HDAC9: variants seen among roughly 807,000 people sequenced by gnomAD.
The protein encoded by HDAC9 is MEF-2 interacting transcription repressor (MITR) protein.
HDAC9 carries 41 observed loss-of-function variants against 139.4 expected under a neutral mutation model. That is an observed-to-expected ratio of 0.29 (90% CI 0.23 to 0.38). The LOEUF (loss-of-function observed/expected upper bound fraction) is 0.38. Among genes scored for constraint, HDAC9 ranks in the 10% least tolerant of loss-of-function variants. The pLI is 1.00. For missense variants in HDAC9, 1,147 were observed against 1,297.0 expected (o/e 0.88, Z 1.78); for synonymous variants, 517 against 476.2 (o/e 1.09, Z -1.12).
At chr7:18,989,506 T>C (rs1235786230) in intron 25 of HDAC9, among the ~76,000 whole-genome samples, 4 of 150,314 alleles carry the variant, frequency 2.7e-5, no homozygotes, top group African/African-American at 4.9e-5. Flanking sequence ...TCATTTCAAC[T>C]TTGGTGAATC....
chr7:18,298,279 TG>T (rs778374393), intron 1 of HDAC9, among the ~76,000 whole-genome samples: 233 of 151,316 alleles, frequency 1.5e-3, no homozygotes, highest in Non-Finnish European at 2.6e-3. Context: ...TACATTTTTA[TG>T]TTTTTTTTTT....
At chr7:18,218,848 T>G (rs763946057) in intron 2 of HDAC9, among the ~76,000 whole-genome samples, 1 of 152,230 alleles carries the variant, frequency 6.6e-6, no homozygotes, top group Non-Finnish European at 1.5e-5. Flanking sequence ...ATTTGACTAT[T>G]ATAAATTATA....
intron 2 of HDAC9, among the ~76,000 whole-genome samples, chr7:18,212,449 T>C (rs1049495274): frequency 3.3e-5 from 5 of 152,152 alleles, no homozygotes; most frequent in Non-Finnish European, 7.3e-5. Context: ...AGCCAGAAAA[T>C]ACGGGTGTGA....
At chr7:18,494,312 T>C (rs1000417433), upstream of HDAC9, among the ~76,000 whole-genome samples, 3 of 152,056 alleles carry the variant, frequency 2.0e-5, no homozygotes, top group Non-Finnish European at 4.4e-5. Context: ...GCTTATTTCT[T>C]CCCTTTCATC....
intron 21 of HDAC9, among the ~76,000 whole-genome samples, chr7:18,867,590 A>C (rs1798590431): frequency 1.3e-5 from 2 of 152,144 alleles, no homozygotes; most frequent in South Asian, 4.1e-4. Flanking sequence ...TCATTTTCTG[A>C]TTCTTTGAGG....
intron 1 of HDAC9, among the ~76,000 whole-genome samples, chr7:18,149,675 C>T (rs1786618790): frequency 6.6e-6 from 1 of 152,020 alleles, no homozygotes; most frequent in Admixed American, 6.5e-5. Flanking sequence ...CTCAGCCTCC[C>T]AAGTAGCTGG....
At chr7:18,206,829 G>A (rs34428487) in intron 2 of HDAC9, among the ~76,000 whole-genome samples, 1 of 152,078 alleles carries the variant, frequency 6.6e-6, no homozygotes, top group African/African-American at 2.4e-5. Context: ...TTTAAGTGTA[G>A]GAAGAGGAGT....
At position 18,171,760 on chromosome 7, in the gene HDAC9, G is replaced by GAA. The variant is rs1562704551; in HGVS notation, c.25+9411_25+9412insAA. ...TGATGGATTATGTTTATTGATTTCC[G>GAA]TATGTTGAACCAGCCTTGCATCCCA... On this transcript the variant is annotated intron_variant, in intron 2 of 12. Transcript: ENST00000417496. 9.7e-4 allele frequency among the ~76,000 whole-genome samples: 147 copies of GAA among 152,206 alleles called. 1 individual carries two copies. In the East Asian group the frequency reaches 0.025, roughly 26 times the overall value.
chr7:18,937,690 T>G (rs1256392609), intron 23 of HDAC9, among the ~76,000 whole-genome samples: 1 of 152,156 alleles, frequency 6.6e-6, no homozygotes, highest in Non-Finnish European at 1.5e-5. Context: ...AATATTAATA[T>G]TTGCATTATA....
At chr7:18,312,681 T>TA (rs1799395031) in intron 1 of HDAC9, among the ~76,000 whole-genome samples, 1 of 152,164 alleles carries the variant, frequency 6.6e-6, no homozygotes, top group Admixed American at 6.6e-5. Flanking sequence ...CAGGGACTGA[T>TA]AAAGATCAAA....
intron 1 of HDAC9, among the ~76,000 whole-genome samples, chr7:18,394,818 C>T (rs537729930): frequency 1.6e-4 from 24 of 152,126 alleles, no homozygotes; most frequent in Middle Eastern, 6.8e-3. Context: ...TATGGAGGAG[C>T]GTGTCATTTC....
chr7:18,367,083 GC>G (rs780974606), intron 1 of HDAC9, among the ~76,000 whole-genome samples: 1 of 151,814 alleles, frequency 6.6e-6, no homozygotes, highest in Non-Finnish European at 1.5e-5. Flanking sequence ...TCAAAATAAT[GC>G]TTTTGTTTCT....
chr7:18,546,958 G>C (rs1424316967), intron 2 of HDAC9, among the ~76,000 whole-genome samples: 2 of 152,196 alleles, frequency 1.3e-5, no homozygotes, highest in African/African-American at 4.8e-5. Context: ...ATTTTTGCTA[G>C]AGCAGCTAAA....
chr7:18,458,843 C>A, intron 1 of HDAC9: 1 of 1,534,034 alleles, frequency 6.5e-7, no homozygotes. Flanking sequence ...TCCCCACAGA[C>A]CTCATGTGGA....
chr7:18,504,843 A>T (rs1262162253), intron 2 of HDAC9, among the ~76,000 whole-genome samples: 1 of 152,206 alleles, frequency 6.6e-6, no homozygotes, highest in Admixed American at 6.5e-5. Context: ...GTAGGTAGGA[A>T]ATGGCAGGGT....
At chr7:18,434,406 G>A (rs1300292806) in intron 1 of HDAC9, among the ~76,000 whole-genome samples, 1 of 152,170 alleles carries the variant, frequency 6.6e-6, no homozygotes, top group Non-Finnish European at 1.5e-5. Context: ...TGACAAATGG[G>A]ACCTAATTAA....
upstream of HDAC9, among the ~76,000 whole-genome samples, chr7:18,288,313 ACCATCTATAATTTGC>A (rs1307894560): frequency 5.9e-5 from 9 of 152,232 alleles, no homozygotes; most frequent in African/African-American, 2.2e-4. Flanking sequence ...CTTTACTTTT[ACCATCTATAATTTGC>A]CTTGGCATGT....
At chr7:18,869,046 C>G (rs1284604891) in intron 21 of HDAC9, among the ~76,000 whole-genome samples, 1 of 151,970 alleles carries the variant, frequency 6.6e-6, no homozygotes, top group Non-Finnish European at 1.5e-5. Context: ...TCAGTAAGTG[C>G]TTCTCTGAGT....
At chr7:18,623,395 G>A (rs1462439352) in intron 6 of HDAC9, among the ~76,000 whole-genome samples, 3 of 152,094 alleles carry the variant, frequency 2.0e-5, no homozygotes, top group Non-Finnish European at 4.4e-5. Flanking sequence ...GCAAAGGAGT[G>A]TACCAATTGC....
Sources: gnomAD v4.1 joint callset for allele counts (sites outside exome capture counted in the v4.1 genomes callset) on GRCh38, gnomAD v4.1.1 for gene constraint, MANE v1.5 for transcripts, NCBI Gene and HGNC (gene_info 2026-07-23, HGNC 2026-07-21) for gene names.